LEPR: variants seen among roughly 807,000 people sequenced by gnomAD.
LEPR encodes leptin receptor.
Under a neutral mutation model 114.7 loss-of-function variants are expected in LEPR, and 56 were observed. The observed-to-expected ratio is 0.49, with a 90% CI of 0.39 to 0.61. LEPR has a LOEUF of 0.61. Ranked by LOEUF, LEPR falls within the 20% of genes least tolerant of loss-of-function variation. The pLI is 0.00. For missense variants in LEPR, 1,202 were observed against 1,352.9 expected (o/e 0.89, Z 1.75); for synonymous variants, 443 against 461.4 (o/e 0.96, Z 0.51).
At chr1:65,430,019 T>G (rs781413123) in intron 2 of LEPR, 2 of 1,565,884 alleles carry the variant, frequency 1.3e-6, no homozygotes, top group Non-Finnish European at 8.7e-7. Context: ...TGCCTTTGGA[T>G]TTCCTGTTAT....
intron 1 of LEPR, among the ~76,000 whole-genome samples, chr1:65,424,134 ACT>A (rs1235815888): frequency 6.6e-6 from 1 of 151,816 alleles, no homozygotes; most frequent in Admixed American, 6.6e-5. Flanking sequence ...CAACCTTGAT[ACT>A]CTGTTTCTCA....
intron 11 of LEPR, among the ~76,000 whole-genome samples, chr1:65,605,699 G>A (rs756041942): frequency 2.6e-5 from 4 of 152,080 alleles, no homozygotes; most frequent in Non-Finnish European, 5.9e-5. Context: ...CTAAATTGAA[G>A]TGGAGGAAAT....
chr1:65,463,342 G>A (rs545007990), intron 2 of LEPR, among the ~76,000 whole-genome samples: 41 of 152,106 alleles, frequency 2.7e-4, no homozygotes, highest in Non-Finnish European at 5.3e-4. Flanking sequence ...TAGATGTGTG[G>A]TATTATTTCT....
intron 2 of LEPR, among the ~76,000 whole-genome samples, chr1:65,542,965 G>T (rs1651349428): frequency 6.6e-6 from 1 of 151,918 alleles, no homozygotes; most frequent in African/African-American, 2.4e-5. Flanking sequence ...ATAATCCTTT[G>T]GGTATATACC....
At chr1:65,559,954 C>G (rs1653187276) in intron 2 of LEPR, among the ~76,000 whole-genome samples, 1 of 145,726 alleles carries the variant, frequency 6.9e-6, no homozygotes, top group African/African-American at 2.5e-5. Context: ...GTTACTGTAG[C>G]CTTGTAGTAC....
rs1006817726 is a variant in LEPR at position 65,434,153 on chromosome 1, A to G, written c.-21+8775A>G. ...ACTTGCATATAGAGTATTTGAAGTG[A>G]TAGATTATTAGATTTGCTCTATGTC... On this transcript the variant is annotated intron_variant, in intron 2 of 19. Coordinates refer to ENST00000349533, the MANE Select transcript of LEPR (RefSeq NM_002303.6). 9.1e-6 allele frequency: 9 copies of G among 984,272 alleles called. No individual in the cohort carries two copies. In the Admixed American group the frequency reaches 3.1e-4, roughly 34 times the overall value. 61.0% of individuals were successfully genotyped at this position (984,272 alleles called of 1,614,324 possible). A position where few individuals can be genotyped will look rare whatever the true frequency, so the allele number is the denominator to read the frequency against.
intron 2 of LEPR, among the ~76,000 whole-genome samples, chr1:65,474,978 G>A (rs938942043): frequency 3.2e-5 from 4 of 124,606 alleles, no homozygotes; most frequent in Non-Finnish European, 4.8e-5. Flanking sequence ...TTGTACTCCA[G>A]TCTGGGCGAC....
At chr1:65,546,648 A>G (rs1475312070) in intron 2 of LEPR, among the ~76,000 whole-genome samples, 1 of 152,196 alleles carries the variant, frequency 6.6e-6, no homozygotes, top group Admixed American at 6.5e-5. Context: ...CGATTTTTGT[A>G]CATTGATTTT....
At chr1:65,527,946 C>T (rs984386444) in intron 2 of LEPR, among the ~76,000 whole-genome samples, 3 of 152,128 alleles carry the variant, frequency 2.0e-5, no homozygotes, top group Non-Finnish European at 4.4e-5. Flanking sequence ...CAACAGCTCA[C>T]GGTCCACAGC....
At chr1:65,554,702 C>T (rs983657026) in intron 2 of LEPR, among the ~76,000 whole-genome samples, 4 of 151,926 alleles carry the variant, frequency 2.6e-5, no homozygotes, top group Non-Finnish European at 1.5e-5. Context: ...TCAGCCTTTC[C>T]GGGGAAGTGA....
chr1:65,439,610 A>G (rs9436745), intron 2 of LEPR, among the ~76,000 whole-genome samples: 36,389 of 151,908 alleles, frequency 0.24, 5,019 homozygotes, highest in African/African-American at 0.38. Flanking sequence ...TGAGGTCAGG[A>G]GTTCAAGACC....
intron 2 of LEPR, among the ~76,000 whole-genome samples, chr1:65,498,011 C>A (rs1648251264): frequency 1.3e-5 from 2 of 152,094 alleles, no homozygotes; most frequent in African/African-American, 4.8e-5. Flanking sequence ...GCGTTACTGT[C>A]CCCTGTCCCT....
At chr1:65,421,381 A>G in intron 1 of LEPR, 1 of 1,536,054 alleles carries the variant, frequency 6.5e-7, no homozygotes, top group South Asian at 1.2e-5. Context: ...CAGTTGGTAA[A>G]AACACCGCGT....
At chr1:65,539,594 A>G (rs954102915) in intron 2 of LEPR, among the ~76,000 whole-genome samples, 2 of 152,202 alleles carry the variant, frequency 1.3e-5, no homozygotes, top group African/African-American at 4.8e-5. Context: ...CCTTTAACAC[A>G]TAGGAGTGTA....
Position 65,622,918 on chromosome 1 carries a change from A to C in LEPR, c.2610A>C (p.Leu870=). Residue 870 remains leucine, a synonymous_variant, in exon 19 of 20, where the codon CTA becomes CTC. Coordinates refer to ENST00000349533, the MANE Select transcript of LEPR (RefSeq NM_002303.6). ...TTATCCTTTGTAGAATGAAAAAGCTATTTTGGGAAGATGTTCCGAACCCCA... is the reference window on the plus strand; with the variant it reads ...TTATCCTTTGTAGAATGAAAAAGCTCTTTTGGGAAGATGTTCCGAACCCCA... ...LLISHQRMKK[L]FWEDVPNPKN... 1 of 1,614,022 alleles carries C rather than the reference A, an allele frequency of 6.2e-7. No individual in the cohort carries two copies. Among genetic ancestry groups the C allele is most frequent in the Non-Finnish European group, 8.5e-7 (1 of 1,179,938 alleles).
At chr1:65,535,103 TAC>T (rs1171159300) in intron 2 of LEPR, among the ~76,000 whole-genome samples, 3 of 152,058 alleles carry the variant, frequency 2.0e-5, no homozygotes, top group Non-Finnish European at 2.9e-5. Flanking sequence ...TGATAAATCA[TAC>T]ACACACACAT....
chr1:65,530,427 G>A (rs138714211), intron 2 of LEPR, among the ~76,000 whole-genome samples: 12 of 152,282 alleles, frequency 7.9e-5, no homozygotes, highest in African/African-American at 2.4e-4. Context: ...AAGTTTATTT[G>A]GAAAGTGAAG....
intron 10 of LEPR, 54 bp downstream of exon 10, chr1:65,602,014 T>G: frequency 6.9e-7 from 1 of 1,455,616 alleles, no homozygotes; most frequent in Non-Finnish European, 9.7e-7. Flanking sequence ...AGATAAAAAT[T>G]TTCTTTAGAA....
chr1:65,486,984 T>G (rs533124686), intron 2 of LEPR, among the ~76,000 whole-genome samples: 84 of 152,184 alleles, frequency 5.5e-4, no homozygotes, highest in Non-Finnish European at 9.9e-4. Flanking sequence ...TTGCCTATGT[T>G]AGTTCTGTTC....
Sources: gnomAD v4.1 joint callset for allele counts (sites outside exome capture counted in the v4.1 genomes callset) on GRCh38, gnomAD v4.1.1 for gene constraint, MANE v1.5 for transcripts, NCBI Gene and HGNC (gene_info 2026-07-23, HGNC 2026-07-21) for gene names.